Variants in BLTP3B observed in about 807,000 individuals in gnomAD.
BLTP3B encodes the protein UHRF1 (ICBP90) binding protein 1-like.
At chr12:100,136,785 A>G in the BLTP3B span, among the ~76,000 whole-genome samples, 1 of 151,966 alleles carries the variant, frequency 6.6e-6, no homozygotes, top group African/African-American at 2.4e-5. Flanking sequence ...TGGCCATATC[A>G]GATAGCTTTT....
At chr12:100,063,040 T>G in the BLTP3B span, among the ~76,000 whole-genome samples, 1 of 150,668 alleles carries the variant, frequency 6.6e-6, no homozygotes, top group Non-Finnish European at 1.5e-5. Context: ...TGAAGAAAAA[T>G]TACTTGTTCA....
chr12:100,059,548 A>C, the BLTP3B span: 2 of 1,561,104 alleles, frequency 1.3e-6, no homozygotes, highest in Non-Finnish European at 8.6e-7. Context: ...AAGAGAAGAA[A>C]AATTAATCTC....
At chr12:100,074,188 TAAAC>T in the BLTP3B span, among the ~76,000 whole-genome samples, 1,052 of 152,272 alleles carry the variant, frequency 6.9e-3, 48 homozygotes, top group Admixed American at 0.061. Context: ...AAAATCAATG[TAAAC>T]AATCAGCAGT....
At chr12:100,094,627 C>T in the BLTP3B span, among the ~76,000 whole-genome samples, 10 of 152,304 alleles carry the variant, frequency 6.6e-5, no homozygotes, top group Non-Finnish European at 1.3e-4. Flanking sequence ...GAGGCCAAGG[C>T]GGGCAGATCA....
At chr12:100,038,715 C>T in the BLTP3B span, among the ~76,000 whole-genome samples, 3 of 152,148 alleles carry the variant, frequency 2.0e-5, no homozygotes, top group African/African-American at 7.2e-5. Context: ...CCTCTTAGAG[C>T]CATTCCCTCA....
chr12:100,097,830 G>T, the BLTP3B span, among the ~76,000 whole-genome samples: 1 of 152,138 alleles, frequency 6.6e-6, no homozygotes, highest in Non-Finnish European at 1.5e-5. Context: ...TCAATTCTGA[G>T]TAGCTGAGAA....
the BLTP3B span, among the ~76,000 whole-genome samples, chr12:100,087,486 C>T: frequency 4.6e-5 from 7 of 152,024 alleles, no homozygotes; most frequent in African/African-American, 9.7e-5. Flanking sequence ...TTAGATTTCA[C>T]GACAGTAATA....
chr12:100,079,935 A>C, the BLTP3B span, among the ~76,000 whole-genome samples: 1 of 152,178 alleles, frequency 6.6e-6, no homozygotes, highest in South Asian at 2.1e-4. Flanking sequence ...GCAAGCCCCA[A>C]CCCTGGCAGC....
chr12:100,130,959 T>TAGAG, the BLTP3B span, among the ~76,000 whole-genome samples: 1 of 126,384 alleles, frequency 7.9e-6, no homozygotes, highest in Non-Finnish European at 1.7e-5. Context: ...CATATATATA[T>TAGAG]ATAGAGAGAG....
the BLTP3B span, among the ~76,000 whole-genome samples, chr12:100,099,454 C>T: frequency 6.6e-6 from 1 of 150,944 alleles, no homozygotes; most frequent in Admixed American, 6.6e-5. Flanking sequence ...TAGCAAGATC[C>T]CTGTCTCCAC....
At chr12:100,050,426 A>C in the BLTP3B span, 1 of 1,014,100 alleles carries the variant, frequency 9.9e-7, no homozygotes, top group Non-Finnish European at 1.3e-6. Flanking sequence ...ATTGTGACCT[A>C]CCAGACCAAA....
At chr12:100,124,933 ATTTTATATATATAT>A in the BLTP3B span, among the ~76,000 whole-genome samples, 7 of 45,092 alleles carry the variant, frequency 1.6e-4, no homozygotes, top group Non-Finnish European at 1.9e-4. Flanking sequence ...AAAAAAAAAA[ATTTTATATATATAT>A]ATATATATAT....
the BLTP3B span, chr12:100,059,284 C>G: frequency 6.2e-7 from 1 of 1,613,910 alleles, no homozygotes; most frequent in South Asian, 1.1e-5. Flanking sequence ...ATTTTGGTAT[C>G]TTGTTCATGA....
At chr12:100,111,852 C>A in the BLTP3B span, among the ~76,000 whole-genome samples, 4 of 152,150 alleles carry the variant, frequency 2.6e-5, no homozygotes, top group African/African-American at 9.7e-5. Context: ...GATCCATCCA[C>A]CTCGGCCTCC....
the BLTP3B span, among the ~76,000 whole-genome samples, chr12:100,140,893 CCT>C: frequency 9.0e-4 from 135 of 150,200 alleles, no homozygotes; most frequent in Admixed American, 4.2e-3. Flanking sequence ...TTTAAGAGCC[CCT>C]CTCAAATGGA....
chr12:100,122,001 G>A, the BLTP3B span, among the ~76,000 whole-genome samples: 1 of 151,968 alleles, frequency 6.6e-6, no homozygotes, highest in Non-Finnish European at 1.5e-5. Context: ...AGCCAGGCAT[G>A]GTGGTGCCTG....
At chr12:100,080,565 A>G in the BLTP3B span, among the ~76,000 whole-genome samples, 10 of 152,210 alleles carry the variant, frequency 6.6e-5, no homozygotes, top group Non-Finnish European at 1.5e-5. Flanking sequence ...TGGGGCCTGT[A>G]GCCCCTTTGT....
At chr12:100,084,441 T>C in the BLTP3B span, 1 of 1,578,864 alleles carries the variant, frequency 6.3e-7, no homozygotes, top group African/African-American at 1.4e-5. Context: ...GCAAACACTC[T>C]TAATATTAGG....
the BLTP3B span, chr12:100,037,782 A>T: frequency 1.3e-6 from 2 of 1,555,700 alleles, no homozygotes; most frequent in Non-Finnish European, 1.7e-6. Context: ...CGGGGGGATA[A>T]GATAATTTAA....
Sources: allele counts gnomAD v4.1 joint callset (sites outside exome capture counted in the v4.1 genomes callset), GRCh38; gene constraint gnomAD v4.1.1; transcripts MANE v1.5; gene names NCBI Gene and HGNC (gene_info 2026-07-23, HGNC 2026-07-21).